DAAM1: variants seen among roughly 807,000 people sequenced by gnomAD.
DAAM1 encodes disheveled-associated activator of morphogenesis 1.
A neutral mutation model predicts 130.0 loss-of-function variants in DAAM1; 52 were observed. The ratio of observed to expected loss-of-function variants is 0.40; its 90% CI spans 0.32 to 0.50. The LOEUF (loss-of-function observed/expected upper bound fraction) is 0.50, where lower values mean the gene tolerates loss of function less well. DAAM1 is among the 20% of genes least tolerant of loss of function. The pLI is 0.61. For synonymous variants in DAAM1, 452 were observed against 444.5 expected (o/e 1.02, Z -0.21); for missense variants, 1,134 against 1,303.8 (o/e 0.87, Z 2.01).
At chr14:59,203,702 G>A (rs185565857) in intron 1 of DAAM1, among the ~76,000 whole-genome samples, 57 of 152,286 alleles carry the variant, frequency 3.7e-4, no homozygotes, top group Non-Finnish European at 2.9e-5. Flanking sequence ...ATGAGCTAGG[G>A]TATTAGAGGA....
intron 19 of DAAM1, 87 bp downstream of exon 19, chr14:59,354,051 T>G: frequency 1.6e-6 from 2 of 1,246,176 alleles, no homozygotes; most frequent in Non-Finnish European, 2.2e-6. Context: ...GTAAACAAGA[T>G]CCCCTTGGTG....
intron 2 of DAAM1, among the ~76,000 whole-genome samples, chr14:59,274,123 T>C (rs1205876343): frequency 6.6e-6 from 1 of 152,174 alleles, no homozygotes; most frequent in Non-Finnish European, 1.5e-5. Flanking sequence ...GCTAGAATTT[T>C]TGTTCCTTGG....
At chr14:59,260,346 T>C (rs1882111881) in intron 1 of DAAM1, among the ~76,000 whole-genome samples, 1 of 152,232 alleles carries the variant, frequency 6.6e-6, no homozygotes, top group Non-Finnish European at 1.5e-5. Flanking sequence ...AAGAGTCTTT[T>C]TGTTTGTTAA....
intron 15 of DAAM1, among the ~76,000 whole-genome samples, chr14:59,335,345 C>G (rs1477886344): frequency 2.0e-5 from 3 of 152,166 alleles, no homozygotes; most frequent in South Asian, 4.1e-4. Context: ...TCCAAAAGTT[C>G]ATTTGAAAGT....
At chr14:59,272,063 T>G (rs1192739937) in intron 2 of DAAM1, among the ~76,000 whole-genome samples, 3 of 152,210 alleles carry the variant, frequency 2.0e-5, no homozygotes, top group African/African-American at 7.2e-5. Context: ...AAAATCGGAC[T>G]GTATAAGACT....
intron 1 of DAAM1, among the ~76,000 whole-genome samples, chr14:59,232,161 A>G (rs893592034): frequency 7.2e-5 from 11 of 152,258 alleles, no homozygotes; most frequent in Non-Finnish European, 1.0e-4. Context: ...TCTATAGCCT[A>G]TTCAAGTCTG....
chr14:59,355,825 G>A (rs891020268), intron 20 of DAAM1, among the ~76,000 whole-genome samples: 7 of 152,104 alleles, frequency 4.6e-5, no homozygotes, highest in South Asian at 2.1e-4. Flanking sequence ...GAAAAAAACC[G>A]ATAGTTGGTG....
chr14:59,362,019 C>CT (rs35080349), intron 22 of DAAM1, among the ~76,000 whole-genome samples: 64,735 of 121,658 alleles, frequency 0.53, 17,574 homozygotes, highest in East Asian at 0.82. Context: ...GGTTTTTTTC[C>CT]TTTTTTTTTT....
Position 59,330,503 on chromosome 14 carries a change from C to A in DAAM1, c.1375C>A (p.His459Asn). 6.2e-7 allele frequency: 1 copy of A among 1,603,678 alleles called. No individual in the cohort carries two copies. Among genetic ancestry groups the A allele is most frequent in the Non-Finnish European group, 8.5e-7 (1 of 1,175,860 alleles). Residue 459 changes from histidine (H) to asparagine (N), a missense_variant and splice_region_variant, in exon 13 of 25, where the codon CAC becomes AAC. Physicochemically the swap from His to Asn is moderately conservative, Grantham distance 68. Around this residue, in one of 3 missense-constraint regions of DAAM1, gnomAD observed 391 missense variants for 521.6 expected, o/e 0.75. Coordinates refer to ENST00000360909, the MANE Select transcript of DAAM1 (RefSeq NM_001270520.2). Reference protein sequence around the residue: ...KEQAEKMRKEHNELQQKLEKK... With the variant: ...KEQAEKMRKENNELQQKLEKK... ...TGTCCAATTGTTTTCTCGTGTAGAG[C>A]ACAATGAGCTACAACAGAAACTGGA...
intron 1 of DAAM1, among the ~76,000 whole-genome samples, chr14:59,197,164 C>T (rs1887925716): frequency 6.6e-6 from 1 of 152,230 alleles, no homozygotes; most frequent in Non-Finnish European, 1.5e-5. Flanking sequence ...TCGTGATCCG[C>T]CCGACTCAGC....
At chr14:59,303,752 T>G (rs956921703) in intron 3 of DAAM1, among the ~76,000 whole-genome samples, 1 of 151,948 alleles carries the variant, frequency 6.6e-6, no homozygotes, top group South Asian at 2.1e-4. Context: ...ATACAAAAAT[T>G]AGCTGGGCAT....
chr14:59,332,481 A>T (rs745756738), intron 15 of DAAM1, among the ~76,000 whole-genome samples: 2 of 152,206 alleles, frequency 1.3e-5, no homozygotes, highest in Admixed American at 6.5e-5. Flanking sequence ...GGAGATGGTA[A>T]TGGTGCAAAT....
At chr14:59,294,946 A>C (rs1291175605) in intron 3 of DAAM1, among the ~76,000 whole-genome samples, 1 of 152,238 alleles carries the variant, frequency 6.6e-6, no homozygotes, top group African/African-American at 2.4e-5. Flanking sequence ...TCTTATCAGC[A>C]CAGGAAGAAA....
At chr14:59,193,388 A>G (rs1307724002) in intron 1 of DAAM1, among the ~76,000 whole-genome samples, 1 of 152,194 alleles carries the variant, frequency 6.6e-6, no homozygotes, top group Non-Finnish European at 1.5e-5. Context: ...ACAGACGAAC[A>G]TGAGATTCAA....
chr14:59,250,622 G>A (rs985620531), intron 1 of DAAM1, among the ~76,000 whole-genome samples: 2 of 152,176 alleles, frequency 1.3e-5, no homozygotes, highest in South Asian at 4.1e-4. Flanking sequence ...ATGCACTCAG[G>A]AGAGTTCATT....
chr14:59,307,010 T>G (rs1291071170), intron 3 of DAAM1, among the ~76,000 whole-genome samples: 1 of 152,214 alleles, frequency 6.6e-6, no homozygotes, highest in East Asian at 1.9e-4. Flanking sequence ...GTATTAGTCA[T>G]GCAGTGTGGC....
intron 1 of DAAM1, among the ~76,000 whole-genome samples, chr14:59,200,951 G>T (rs962801576): frequency 3.3e-5 from 5 of 152,038 alleles, no homozygotes; most frequent in African/African-American, 4.8e-5. Flanking sequence ...CACGAGGTCA[G>T]GAGATCGAGA....
intron 3 of DAAM1, 82 bp from the exon 4 acceptor site, chr14:59,315,198 G>C (rs1884740138): frequency 1.6e-6 from 2 of 1,227,016 alleles, no homozygotes; most frequent in African/African-American, 3.0e-5. Context: ...GTCATTGTCT[G>C]GGTGCTCTGG....
chr14:59,331,998 G>T (rs1436561913), intron 15 of DAAM1, 78 bp downstream of exon 15: 1 of 1,242,512 alleles, frequency 8.0e-7, no homozygotes, highest in African/African-American at 1.5e-5. Context: ...CATCAGCCAT[G>T]GCCGTGATGT....
Sources: allele counts gnomAD v4.1 joint callset (sites outside exome capture counted in the v4.1 genomes callset), GRCh38; gene constraint gnomAD v4.1.1; regional missense constraint gnomAD v4.1.1; transcripts MANE v1.5; gene names NCBI Gene and HGNC (gene_info 2026-07-23, HGNC 2026-07-21).